CAMK2D: variants seen among roughly 807,000 people sequenced by gnomAD.
CAMK2D encodes calcium/calmodulin-dependent protein kinase type II subunit delta.
Under a neutral mutation model 84.0 loss-of-function variants are expected in CAMK2D, and 37 were observed. The ratio of observed to expected loss-of-function variants is 0.44; its 90% CI spans 0.34 to 0.58. CAMK2D has a LOEUF of 0.58. Ranked by LOEUF, CAMK2D falls within the 20% of genes least tolerant of loss-of-function variation. The pLI, the probability that CAMK2D is intolerant of heterozygous loss-of-function variation, is 0.02. For missense variants in CAMK2D, 448 were observed against 652.5 expected (o/e 0.69, Z 3.41); for synonymous variants, 202 against 212.5 (o/e 0.95, Z 0.43).
chr4:113,736,514 G>A (rs753196557), intron 2 of CAMK2D, among the ~76,000 whole-genome samples: 22 of 152,078 alleles, frequency 1.4e-4, no homozygotes, highest in Non-Finnish European at 2.2e-4. Flanking sequence ...TGAAACAAAG[G>A]AAGAAGCGGA....
intron 4 of CAMK2D, among the ~76,000 whole-genome samples, chr4:113,589,110 G>A (rs2098847167): frequency 6.6e-6 from 1 of 152,166 alleles, no homozygotes; most frequent in Non-Finnish European, 1.5e-5. Flanking sequence ...TGTGAGGTAG[G>A]CAGTGTGGCT....
intron 4 of CAMK2D, among the ~76,000 whole-genome samples, chr4:113,567,464 G>A (rs549226274): frequency 2.0e-5 from 3 of 152,138 alleles, no homozygotes; most frequent in Admixed American, 1.3e-4. Flanking sequence ...CACTGCACCC[G>A]GCCAGCTGAG....
intron 17 of CAMK2D, 93 bp from the exon 18 acceptor site, chr4:113,460,334 G>A: frequency 1.3e-6 from 1 of 782,774 alleles, no homozygotes; most frequent in Non-Finnish European, 2.2e-6. Flanking sequence ...ACCAGTCACT[G>A]AAGGAAAGAG....
intron 2 of CAMK2D, among the ~76,000 whole-genome samples, chr4:113,712,509 C>T (rs1215965284): frequency 1.3e-5 from 2 of 152,056 alleles, no homozygotes; most frequent in Non-Finnish European, 2.9e-5. Flanking sequence ...AAGCTATATA[C>T]CATTACTTCA....
At chr4:113,566,320 A>G (rs10471000) in intron 4 of CAMK2D, among the ~76,000 whole-genome samples, 5,937 of 152,172 alleles carry the variant, frequency 0.039, 395 homozygotes, top group African/African-American at 0.13. Flanking sequence ...TAAAAGTCCA[A>G]TTTACCTTTT....
At chr4:113,600,376 T>C (rs2098946648) in intron 4 of CAMK2D, among the ~76,000 whole-genome samples, 1 of 152,158 alleles carries the variant, frequency 6.6e-6, no homozygotes, top group Admixed American at 6.6e-5. Context: ...GGGATTTTGA[T>C]AGTGTAGGAG....
intron 13 of CAMK2D, chr4:113,508,220 G>A (rs1462983273): frequency 6.5e-7 from 1 of 1,528,334 alleles, no homozygotes. Flanking sequence ...GAGAAATCTG[G>A]CAGATAGATC....
intron 2 of CAMK2D, among the ~76,000 whole-genome samples, chr4:113,688,899 C>T (rs1449249516): frequency 4.3e-5 from 1 of 23,000 alleles, no homozygotes; most frequent in Non-Finnish European, 9.0e-5. Flanking sequence ...GATTAATATA[C>T]AAAGAAGATG....
chr4:113,526,739 T>C (rs368440112), intron 8 of CAMK2D, among the ~76,000 whole-genome samples: 72 of 152,210 alleles, frequency 4.7e-4, no homozygotes, highest in African/African-American at 1.7e-3. Context: ...AATATTAAAA[T>C]TGAACATAGT....
rs149944841 is a variant in CAMK2D, at chr4:113,568,640, G to C, written c.276-16544C>G. ...GTAATTCTATGTTTAACTGTGCAAG[G>C]AATCACAAAACTTTTTTACACAGCT... On this transcript the variant is annotated intron_variant, in intron 4 of 20. Coordinates refer to ENST00000511664, the MANE Select transcript of CAMK2D (RefSeq NM_001321571.2). 1.5e-3 allele frequency among the ~76,000 whole-genome samples: 232 copies of C among 152,270 alleles called. 1 individual carries two copies. Among genetic ancestry groups the C allele is most frequent in the African/African-American group, 5.3e-3 (221 of 41,542 alleles).
chr4:113,682,313 T>A (rs2099348245), intron 2 of CAMK2D, among the ~76,000 whole-genome samples: 1 of 152,102 alleles, frequency 6.6e-6, no homozygotes, highest in South Asian at 2.1e-4. Context: ...TATTTTTATA[T>A]GAGAAAAATT....
intron 4 of CAMK2D, among the ~76,000 whole-genome samples, chr4:113,576,533 A>G (rs1287698291): frequency 6.6e-6 from 1 of 152,112 alleles, no homozygotes; most frequent in South Asian, 2.1e-4. Context: ...GTGCCCACAC[A>G]CAAGTACACA....
chr4:113,505,761 T>C (rs1348253071), intron 13 of CAMK2D, among the ~76,000 whole-genome samples: 4 of 152,184 alleles, frequency 2.6e-5, no homozygotes, highest in East Asian at 1.9e-4. Context: ...TTAACATAAC[T>C]GGATTTGACT....
chr4:113,556,805 G>A (rs1174796977), intron 4 of CAMK2D, among the ~76,000 whole-genome samples: 1 of 152,098 alleles, frequency 6.6e-6, no homozygotes, highest in Non-Finnish European at 1.5e-5. Flanking sequence ...AGTAAATCAA[G>A]CCAACCACTG....
chr4:113,471,326 A>C (rs907742021), intron 16 of CAMK2D, among the ~76,000 whole-genome samples: 4 of 150,536 alleles, frequency 2.7e-5, no homozygotes, highest in Non-Finnish European at 5.9e-5. Context: ...AATCTCATTC[A>C]CTCCTCTGGC....
intron 3 of CAMK2D, among the ~76,000 whole-genome samples, chr4:113,621,584 T>C (rs950298974): frequency 5.3e-5 from 8 of 152,224 alleles, no homozygotes; most frequent in African/African-American, 1.7e-4. Context: ...GCTTCATGAA[T>C]AGTTGTACCT....
At position 113,478,192 on chromosome 4, in the gene CAMK2D, C is replaced by T. The variant is rs187629817; in HGVS notation, c.1136-12588G>A. ...TACTGAGAATGACTACAAAGGTTAT[C>T]GCTGGCACTTGCATAGTCAGATTAC... On this transcript the variant is annotated intron_variant, in intron 16 of 20. Coordinates refer to ENST00000511664, the MANE Select transcript of CAMK2D (RefSeq NM_001321571.2). 5.9e-5 allele frequency among the ~76,000 whole-genome samples: 9 copies of T among 152,174 alleles called. No individual in the cohort carries two copies. The East Asian group carries it at 9.6e-4, about 16-fold the overall frequency.
intron 2 of CAMK2D, among the ~76,000 whole-genome samples, chr4:113,685,384 C>T (rs1349608432): frequency 3.9e-5 from 6 of 151,932 alleles, no homozygotes; most frequent in Non-Finnish European, 5.9e-5. Context: ...GAACTATAGG[C>T]GTGCGCCACA....
intron 3 of CAMK2D, among the ~76,000 whole-genome samples, chr4:113,610,405 C>T (rs966618440): frequency 1.3e-5 from 2 of 152,282 alleles, no homozygotes; most frequent in East Asian, 1.9e-4. Context: ...GCACTGATGA[C>T]CACCACATGG....
Sources: gnomAD v4.1 joint callset for allele counts (sites outside exome capture counted in the v4.1 genomes callset) on GRCh38, gnomAD v4.1.1 for gene constraint, MANE v1.5 for transcripts, NCBI Gene and HGNC (gene_info 2026-07-23, HGNC 2026-07-21) for gene names.